The following SI variants were observed in gnomAD, a reference collection of about 807,000 sequenced individuals.
SI encodes the protein sucrase-isomaltase.
SI carries 235 observed loss-of-function variants against 253.3 expected under a neutral mutation model. The ratio of observed to expected loss-of-function variants is 0.93; its 90% CI spans 0.83 to 1.03. The LOEUF (loss-of-function observed/expected upper bound fraction) is 1.03. Among genes scored for constraint, SI ranks in the 50% least tolerant of loss-of-function variants. The pLI, the probability that SI is intolerant of heterozygous loss-of-function variation, is 0.00. For missense variants in SI, 2,442 were observed against 2,211.1 expected (o/e 1.10, Z -2.09); for synonymous variants, 819 against 712.0 (o/e 1.15, Z -2.39).
chr3:165,009,461 G>T (rs1476657784), intron 34 of SI, 66 bp from the exon 35 acceptor site: 1 of 859,888 alleles, frequency 1.2e-6, no homozygotes, highest in African/African-American at 1.7e-5. Flanking sequence ...ATATAAATCT[G>T]AATGTATTTG....
At chr3:164,986,350 T>G in intron 45 of SI, among the ~76,000 whole-genome samples, 1 of 152,194 alleles carries the variant, frequency 6.6e-6, no homozygotes, top group East Asian at 1.9e-4. Context: ...AATGTTACTC[T>G]CTTTTCCTGC....
At chr3:165,056,251 T>C (rs371195925) in intron 12 of SI, among the ~76,000 whole-genome samples, 2 of 152,258 alleles carry the variant, frequency 1.3e-5, no homozygotes, top group East Asian at 1.9e-4. Flanking sequence ...TTTCTTTTTT[T>C]ACAAAAGGAG....
intron 16 of SI, 67 bp downstream of exon 16, chr3:165,046,774 T>G (rs1713136516): frequency 7.8e-7 from 1 of 1,287,766 alleles, no homozygotes; most frequent in Admixed American, 1.8e-5. Context: ...CTAAAATTAA[T>G]TAAGATTACA....
intron 36 of SI, 39 bp downstream of exon 36, chr3:165,007,872 T>A (rs1293215002): frequency 9.4e-6 from 9 of 959,422 alleles, no homozygotes; most frequent in Non-Finnish European, 1.5e-5. Flanking sequence ...TATATAATAA[T>A]AACATGATAA....
rs149535191 is a variant in SI at position 164,998,712 on chromosome 3, G to A, written c.4407-39C>T. 1.5e-4 allele frequency: 236 copies of A among 1,552,966 alleles called. No individual in the cohort carries two copies. In the African/African-American group the frequency reaches 2.7e-3, roughly 18 times the overall value. ...GAAGTATTTTTGAGTTTTTACATGAGATATTTTCTCCAAATATATCTACTT... is the reference window on the plus strand; with the variant it reads ...GAAGTATTTTTGAGTTTTTACATGAAATATTTTCTCCAAATATATCTACTT... On this transcript the variant is annotated intron_variant, in intron 37 of 47. Coordinates refer to ENST00000264382, the MANE Select transcript of SI (RefSeq NM_001041.4).
intron 25 of SI, among the ~76,000 whole-genome samples, chr3:165,029,182 A>G (rs886960202): frequency 2.0e-5 from 3 of 151,076 alleles, no homozygotes; most frequent in Admixed American, 1.3e-4. Flanking sequence ...TGAAAAAATG[A>G]TCAGCATCAC....
intron 28 of SI, 152 bp from the exon 29 acceptor site, chr3:165,018,218 T>C (rs1719135955): frequency 1.6e-6 from 1 of 610,934 alleles, no homozygotes. Context: ...AATAAATGTG[T>C]CTCCCTAGAA....
intron 34 of SI, 42 bp downstream of exon 34, chr3:165,012,938 T>A: frequency 8.0e-7 from 1 of 1,248,486 alleles, no homozygotes; most frequent in Non-Finnish European, 1.2e-6. Context: ...GTCTAAGTTT[T>A]GAATTTCTTC....
At chr3:165,053,792 A>G (rs1268920690) in intron 13 of SI, among the ~76,000 whole-genome samples, 1 of 152,116 alleles carries the variant, frequency 6.6e-6, no homozygotes, top group Non-Finnish European at 1.5e-5. Flanking sequence ...CCGTAATCAA[A>G]GTGGCTCCTA....
intron 37 of SI, among the ~76,000 whole-genome samples, chr3:165,002,563 CT>C (rs1718303126): frequency 6.6e-6 from 1 of 151,650 alleles, no homozygotes; most frequent in South Asian, 2.1e-4. Context: ...ATGCTATGGT[CT>C]GTATAACTTG....
At chr3:165,055,492 TA>T (rs1344992727) in intron 12 of SI, among the ~76,000 whole-genome samples, 185 bp from the exon 13 acceptor site, 10 of 151,950 alleles carry the variant, frequency 6.6e-5, no homozygotes, top group Admixed American at 5.9e-4. Flanking sequence ...GAAGAGCAGT[TA>T]AAAAAAGGTG....
chr3:165,032,742 C>G, intron 23 of SI, 50 bp from the exon 24 acceptor site: 1 of 1,260,214 alleles, frequency 7.9e-7, no homozygotes, highest in Non-Finnish European at 1.1e-6. Flanking sequence ...AGATACAAAC[C>G]TGAAATAACA....
At chr3:165,080,624 CCAT>C (rs560415090), upstream of SI, among the ~76,000 whole-genome samples, 7 of 151,984 alleles carry the variant, frequency 4.6e-5, no homozygotes, top group South Asian at 1.5e-3. Context: ...AAGCTGGAAA[CCAT>C]CATTCTCAGC....
chr3:165,059,125 C>T (rs200614745), intron 11 of SI, 43 bp from the exon 12 acceptor site: 112 of 1,610,632 alleles, frequency 7.0e-5, no homozygotes, highest in African/African-American at 6.8e-4. Context: ...TTAACTTACA[C>T]GTGTAAACAC....
intron 44 of SI, among the ~76,000 whole-genome samples, chr3:164,989,374 AAGAAAGAAAGAAAGG>A (rs1290813004): frequency 0.012 from 696 of 60,090 alleles, 4 homozygotes; most frequent in African/African-American, 0.031. Flanking sequence ...GAAAGAAAGG[AAGAAAGAAAGAAAGG>A]AAGAAAGAAA....
At position 165,065,234 on chromosome 3, in the gene SI, T is replaced by A. The variant is rs573084545; in HGVS notation, c.807+27A>T. 3.4e-6 allele frequency: 5 copies of A among 1,483,944 alleles called. No individual in the cohort carries two copies. The East Asian group carries it at 9.3e-5, about 28-fold the overall frequency. 91.9% of individuals were successfully genotyped at this position (1,483,944 alleles called of 1,614,324 possible). A position where few individuals can be genotyped will look rare whatever the true frequency, so the allele number is the denominator to read the frequency against. ...CATCTGCTGCAATATAGTGATTTTA[T>A]TTATAACAAGAAAAATAATTTCTTA... On this transcript the variant is annotated intron_variant, in intron 7 of 47. Transcript: ENST00000264382.
At chr3:165,025,460 G>C (rs992658124) in intron 25 of SI, among the ~76,000 whole-genome samples, 1 of 151,122 alleles carries the variant, frequency 6.6e-6, no homozygotes, top group African/African-American at 2.4e-5. Context: ...CCCTGGCCTT[G>C]CTAGAGATCT....
At chr3:165,031,821 A>G (rs1014659440) in intron 24 of SI, among the ~76,000 whole-genome samples, 33 of 151,156 alleles carry the variant, frequency 2.2e-4, no homozygotes, top group African/African-American at 7.5e-4. Context: ...TCTACTACCC[A>G]AAGCAACATT....
intron 3 of SI, among the ~76,000 whole-genome samples, chr3:165,069,705 C>A (rs1714435245): frequency 1.3e-5 from 2 of 152,016 alleles, no homozygotes; most frequent in South Asian, 4.1e-4. Context: ...CCAGGTATCA[C>A]AAGTAGTTGC....
Sources: allele counts gnomAD v4.1 joint callset (sites outside exome capture counted in the v4.1 genomes callset), GRCh38; gene constraint gnomAD v4.1.1; transcripts MANE v1.5; gene names NCBI Gene and HGNC (gene_info 2026-07-23, HGNC 2026-07-21).